Variants in CHFR observed in about 807,000 individuals in gnomAD.
The protein encoded by CHFR is E3 ubiquitin-protein ligase CHFR.
A neutral mutation model predicts 87.6 loss-of-function variants in CHFR; 57 were observed. The observed-to-expected ratio is 0.65, with a 90% CI of 0.53 to 0.81. The LOEUF (loss-of-function observed/expected upper bound fraction) is 0.81. CHFR is among the 30% of genes least tolerant of loss of function. The pLI is 0.00. For missense variants in CHFR, 797 were observed against 865.8 expected (o/e 0.92, Z 1.00); for synonymous variants, 381 against 359.2 (o/e 1.06, Z -0.69).
chr12:132,856,537 G>A lies in CHFR; in HGVS notation c.1160C>T (p.Ser387Phe). Residue 387 changes from serine to phenylalanine, a missense_variant, in exon 10 of 18, where the codon TCT becomes TTT. Physicochemically the swap from Ser to Phe is radical, Grantham distance 155. Transcript: ENST00000450056. ...GTCCTCTGAACTCCCTTCTTCATCA[G>A]AAAAAGACCGCCTGACTTTGGGCTG... The part of the protein sequence containing the change: ...MLQPKVRRSF[S>F]DEEGSSEDLL... 1 of 1,614,202 alleles carries A rather than the reference G, an allele frequency of 6.2e-7. No homozygotes were observed. Among genetic ancestry groups the A allele is most frequent in the Non-Finnish European group, 8.5e-7 (1 of 1,180,034 alleles).
At chr12:132,848,387 G>A (rs376989159) in intron 13 of CHFR, 46 of 796,868 alleles carry the variant, frequency 5.8e-5, no homozygotes, top group East Asian at 2.9e-4. Context: ...TCTTGGTATC[G>A]TAACAGCAGA....
intron 6 of CHFR, among the ~76,000 whole-genome samples, chr12:132,865,277 C>G (rs1423273965): frequency 6.6e-6 from 1 of 152,138 alleles, no homozygotes; most frequent in Admixed American, 6.5e-5. Flanking sequence ...TTTAAGGAAC[C>G]TGGAAGATAC....
rs1329871429 is a variant in CHFR, at chr12:132,887,211, T to C, written c.118A>G (p.Ile40Val). ...HVLLRKREWT[I>V]GRRRGCDLSF... is the part of the protein sequence containing the mutation. The stretch of plus-strand genomic sequence containing the variant: ...AGCCCCGCACCTCGTCTCCGCCCGA[T>C]GGTCCACTCCCGCTTCCTCAGGAGG... The change falls in exon 2 of 18, where the codon ATC becomes GTC. Residue 40 changes from isoleucine (I) to valine (V), a missense_variant. Physicochemically the swap from Ile to Val is conservative, Grantham distance 29. Coordinates refer to ENST00000450056, the MANE Select transcript of CHFR (RefSeq NM_001161346.2). 1.3e-6 allele frequency: 2 copies of C among 1,498,204 alleles called. No individual in the cohort carries two copies. Among genetic ancestry groups the C allele is most frequent in the Non-Finnish European group, 8.8e-7 (1 of 1,130,826 alleles). The allele number at this position is 1,498,204 out of a possible 1,614,324, so 92.8% of individuals were successfully genotyped here. A position where few individuals can be genotyped will look rare whatever the true frequency, so the allele number is the denominator to read the frequency against.
At chr12:132,871,330 T>C (rs1168211048) in intron 4 of CHFR, among the ~76,000 whole-genome samples, 1 of 152,066 alleles carries the variant, frequency 6.6e-6, no homozygotes, top group Non-Finnish European at 1.5e-5. Flanking sequence ...TGTGCACCTG[T>C]AATCCCAGCT....
In CHFR at chr12:132,863,456, G is replaced by C. The variant is rs115004038; in HGVS notation, c.584-1822C>G. On this transcript the variant is annotated intron_variant, in intron 6 of 17. Transcript: ENST00000450056. ...AGGAGGCGGAGTTGCAGCGAACGAA[G>C]TTCGCGCCATTGCACTCCAGCCTGG... Among the ~76,000 whole-genome samples, 235 of 152,126 alleles carry C rather than the reference G, an allele frequency of 1.5e-3. 2 individuals carry two copies. The highest frequency in any genetic ancestry group is 5.4e-3 in the African/African-American group (224 of 41,544).
chr12:132,849,895 CCTTTTTCTA>C (rs1380698172), intron 12 of CHFR: 1 of 152,144 alleles, frequency 6.6e-6, no homozygotes, highest in Non-Finnish European at 1.5e-5. Context: ...GCCTAGGTGG[CCTTTTTCTA>C]CCTAGGTATT....
intron 12 of CHFR, chr12:132,849,527 A>G (rs1950895726): frequency 6.6e-6 from 1 of 151,602 alleles, no homozygotes; most frequent in South Asian, 2.1e-4. Context: ...CCACCCTAAC[A>G]CGGCTTCGAT....
chr12:132,866,607 C>G (rs1174955052), intron 6 of CHFR: 1 of 151,614 alleles, frequency 6.6e-6, no homozygotes, highest in Admixed American at 6.6e-5. Flanking sequence ...TTACAACACA[C>G]CAGAAAGTTA....
In CHFR at chr12:132,846,971, G is replaced by C. The variant is rs1347767018; in HGVS notation, c.1735+72C>G. 1.7e-5 allele frequency: 18 copies of C among 1,076,022 alleles called. No individual in the cohort carries two copies. The Admixed American group carries it at 3.0e-4, about 18-fold the overall frequency. The allele number at this position is 1,076,022 out of a possible 1,614,324, so 66.7% of individuals were successfully genotyped here. On this transcript the variant is annotated intron_variant, in intron 15 of 17. Transcript: ENST00000450056. Reference sequence around the variant, plus strand: ...GGGTGAAGGTCGGAGTTGTCACTGGGAGAGCAGACACGCAGGCACAGCCCT... The same window carrying C: ...GGGTGAAGGTCGGAGTTGTCACTGGCAGAGCAGACACGCAGGCACAGCCCT...
In CHFR at chr12:132,844,912, C is replaced by T. The variant is rs566522917; in HGVS notation, c.1736-778G>A. Among the ~76,000 whole-genome samples the T allele has an allele frequency of 1.1e-4, 17 of 152,204 alleles. No homozygotes were observed. The South Asian group carries it at 2.3e-3, about 20-fold the overall frequency. On this transcript the variant is annotated intron_variant, in intron 15 of 17. Coordinates refer to ENST00000450056, the MANE Select transcript of CHFR (RefSeq NM_001161346.2). ...CTTCCCAAAATGCTGGGATTACAGGCGTGAGCCTCCACGCCCGGCCCCACA... is the reference window on the plus strand; with the variant it reads ...CTTCCCAAAATGCTGGGATTACAGGTGTGAGCCTCCACGCCCGGCCCCACA...
intron 10 of CHFR, among the ~76,000 whole-genome samples, chr12:132,855,694 G>A (rs1363065886): frequency 3.9e-5 from 6 of 152,028 alleles, no homozygotes; most frequent in Non-Finnish European, 8.8e-5. Flanking sequence ...AAATTTGTTA[G>A]TACATTACAT....
chr12:132,838,286 T>C lies in CHFR; in HGVS notation c.*3268A>G, dbSNP rs1950663258. ...ACTTAAAGCAGATTTAAAACAGCCT[T>C]TGTAGCTGGCCTAGGGAGGAGGGTT... On this transcript the variant is annotated 3_prime_UTR_variant, in exon 18 of 18. Coordinates refer to ENST00000450056, the MANE Select transcript of CHFR (RefSeq NM_001161346.2). 6.6e-6 allele frequency: 1 copy of C among 152,284 alleles called. No homozygotes were observed. The highest frequency in any genetic ancestry group is 1.5e-5 in the Non-Finnish European group (1 of 68,076). The allele number at this position is 152,284 out of a possible 1,614,324, so 9.4% of individuals were successfully genotyped here. A position where few individuals can be genotyped will look rare whatever the true frequency, so the allele number is the denominator to read the frequency against.
Position 132,851,673 on chromosome 12 carries a change from G to A in CHFR, c.1437C>T (p.Pro479=). The stretch of plus-strand genomic sequence containing the variant: ...CGCGCTCCGCTCTCCGGTCGGGCAT[G>A]GGCTGGAAGCAGCAGGTGCACAGGG... ...SHALCTCCFQ[P]MPDRRAEREQ... Residue 479 remains proline (P), a synonymous_variant, in exon 12 of 18, where the codon CCC becomes CCT. Coordinates refer to ENST00000450056, the MANE Select transcript of CHFR (RefSeq NM_001161346.2). 6.2e-7 allele frequency: 1 copy of A among 1,613,406 alleles called. No homozygotes were observed. Among genetic ancestry groups the A allele is most frequent in the South Asian group, 1.1e-5 (1 of 91,088 alleles).
At position 132,851,654 on chromosome 12, in the gene CHFR, C is replaced by T. The variant is rs1298012137; in HGVS notation, c.1456G>A (p.Glu486Lys). The stretch of plus-strand genomic sequence containing the variant: ...GCGACACGCGGGTCCTGCTCGCGCT[C>T]CGCTCTCCGGTCGGGCATGGGCTGG... ...CFQPMPDRRA[E>K]REQDPRVAPQ... Residue 486 changes from glutamate to lysine, a missense_variant, in exon 12 of 18, where the codon GAG (glutamate) becomes AAG (lysine). Glu to Lys is a moderately conservative substitution (Grantham distance 56). Around this residue, in one of 2 missense-constraint regions of CHFR, gnomAD observed 200 missense variants for 264.6 expected, o/e 0.76. Coordinates refer to ENST00000450056, the MANE Select transcript of CHFR (RefSeq NM_001161346.2). The T allele has an allele frequency of 1.2e-6, 2 of 1,613,048 alleles. No homozygotes were observed. The highest frequency in any genetic ancestry group is 1.1e-5 in the South Asian group (1 of 91,070).
At chr12:132,880,334 A>G (rs1302620064) in intron 2 of CHFR, among the ~76,000 whole-genome samples, 2 of 152,122 alleles carry the variant, frequency 1.3e-5, no homozygotes, top group African/African-American at 4.8e-5. Flanking sequence ...ACCAGGAAAA[A>G]ATAATAATAA....
chr12:132,867,785 C>T (rs867491772), intron 6 of CHFR: 1 of 152,120 alleles, frequency 6.6e-6, no homozygotes, highest in Admixed American at 6.6e-5. Flanking sequence ...CGAAGAAAGC[C>T]GTGAGACTTC....
chr12:132,872,113 A>G, intron 4 of CHFR, 172 bp downstream of exon 4: 3 of 546,050 alleles, frequency 5.5e-6, no homozygotes, highest in Non-Finnish European at 9.8e-6. Flanking sequence ...CAAAGTCGAC[A>G]CTCCCACTCA....
intron 2 of CHFR, among the ~76,000 whole-genome samples, chr12:132,879,144 A>G (rs1353971675): frequency 6.6e-6 from 1 of 151,034 alleles, no homozygotes; most frequent in Non-Finnish European, 1.5e-5. Context: ...AGCTGGGACT[A>G]CAGGCATGCG....
rs200213031 is a variant in CHFR at position 132,861,528 on chromosome 12, A to G, written c.690T>C (p.Phe230=). The change falls in exon 7 of 18, where the codon TTT becomes TTC. Residue 230 remains phenylalanine, a synonymous_variant. Coordinates refer to ENST00000450056, the MANE Select transcript of CHFR (RefSeq NM_001161346.2). The part of the protein sequence containing the change: ...SALPDRKTAS[F]SSLEPQDQED... ...CCTGATCCTGGGGTTCCAACGACGAAAAGGACGCAGTCTTTCTGTCTGGGA... is the reference window on the plus strand; with the variant it reads ...CCTGATCCTGGGGTTCCAACGACGAGAAGGACGCAGTCTTTCTGTCTGGGA... 3 of 1,614,238 alleles carry G rather than the reference A, an allele frequency of 1.9e-6. No homozygotes were observed. Among genetic ancestry groups the G allele is most frequent in the Non-Finnish European group, 8.5e-7 (1 of 1,180,040 alleles).
Sources: allele counts gnomAD v4.1 joint callset (sites outside exome capture counted in the v4.1 genomes callset), GRCh38; gene constraint gnomAD v4.1.1; regional missense constraint gnomAD v4.1.1; transcripts MANE v1.5; gene names NCBI Gene and HGNC (gene_info 2026-07-23, HGNC 2026-07-21).